The following SDK1 variants were observed in gnomAD, a reference collection of about 807,000 sequenced individuals.
SDK1 encodes protein sidekick-1.
SDK1 carries 157 observed loss-of-function variants against 245.5 expected under a neutral mutation model. That is an observed-to-expected ratio of 0.64 (90% CI 0.56 to 0.73). The LOEUF (loss-of-function observed/expected upper bound fraction) is 0.73. Ranked by LOEUF, SDK1 falls within the 30% of genes least tolerant of loss-of-function variation. The pLI, the probability that SDK1 is intolerant of heterozygous loss-of-function variation, is 0.00. For synonymous variants in SDK1, 1,647 were observed against 1,278.5 expected (o/e 1.29, Z -6.15); for missense variants, 3,583 against 3,002.3 (o/e 1.19, Z -4.52).
chr7:3,303,848 A>T (rs75991425), intron 1 of SDK1, among the ~76,000 whole-genome samples: 3,361 of 152,288 alleles, frequency 0.022, 138 homozygotes, highest in African/African-American at 0.076. Context: ...TGGTGCTGTT[A>T]TAAGAGATTT....
chr7:4,074,041 G>C lies in SDK1; in HGVS notation c.3011-2957G>C, dbSNP rs959964278. 2.0e-5 allele frequency among the ~76,000 whole-genome samples: 3 copies of C among 152,112 alleles called. No homozygotes were observed. The East Asian group carries it at 5.8e-4, about 29-fold the overall frequency. On this transcript the variant is annotated intron_variant, in intron 20 of 44. Coordinates refer to ENST00000404826, the MANE Select transcript of SDK1 (RefSeq NM_152744.4). ...GCAGGGGGCCGTAGGTGTTTTTTTA[G>C]GGTTGTCCTGTTGCATTTTGTTGCA...
At chr7:3,724,812 T>A (rs984913643) in intron 4 of SDK1, among the ~76,000 whole-genome samples, 1 of 152,198 alleles carries the variant, frequency 6.6e-6, no homozygotes, top group Non-Finnish European at 1.5e-5. Flanking sequence ...AACCCTGGAC[T>A]GGCCTGGCCC....
intron 4 of SDK1, among the ~76,000 whole-genome samples, chr7:3,652,957 T>C (rs1384182464): frequency 2.6e-5 from 4 of 152,164 alleles, no homozygotes; most frequent in Admixed American, 2.6e-4. Flanking sequence ...ACTGGAAGAA[T>C]AATTGCAGTG....
chr7:4,180,069 G>A (rs1025687562), intron 35 of SDK1, among the ~76,000 whole-genome samples: 3 of 152,090 alleles, frequency 2.0e-5, no homozygotes, highest in South Asian at 2.1e-4. Flanking sequence ...TTCAGCAAGC[G>A]GTAGGGAAGC....
Position 4,267,657 on chromosome 7 carries a change from G to A in SDK1, c.*2273G>A, listed in dbSNP as rs1413922128. On this transcript the variant is annotated 3_prime_UTR_variant, in exon 45 of 45. Transcript: ENST00000404826. ...TGTGGCTTTACATGCCAGGGAGAGT[G>A]TTGAGACGTCTTAGGTTGAGGATGA... 2 of 985,388 alleles carry A rather than the reference G, an allele frequency of 2.0e-6. No homozygotes were observed. Among genetic ancestry groups the A allele is most frequent in the African/African-American group, 3.5e-5 (2 of 57,260 alleles). The allele number at this position is 985,388 out of a possible 1,614,324, so 61.0% of individuals were successfully genotyped here. A position where few individuals can be genotyped will look rare whatever the true frequency, so the allele number is the denominator to read the frequency against.
At chr7:4,050,296 C>T (rs988983430) in intron 18 of SDK1, among the ~76,000 whole-genome samples, 7 of 152,208 alleles carry the variant, frequency 4.6e-5, no homozygotes, top group African/African-American at 1.7e-4. Context: ...ACTGATTTGT[C>T]TGCCAGAAAG....
At chr7:4,108,193 C>T (rs995362410) in intron 22 of SDK1, among the ~76,000 whole-genome samples, 3 of 152,170 alleles carry the variant, frequency 2.0e-5, no homozygotes, top group Non-Finnish European at 4.4e-5. Flanking sequence ...TCCCTCTTCA[C>T]AGACGCGATG....
chr7:4,022,974 C>A (rs943157609), intron 17 of SDK1, among the ~76,000 whole-genome samples: 1 of 151,942 alleles, frequency 6.6e-6, no homozygotes, highest in Non-Finnish European at 1.5e-5. Context: ...CGGGGTTTCG[C>A]CGTGTTACCC....
intron 1 of SDK1, among the ~76,000 whole-genome samples, chr7:3,316,954 C>A (rs763554346): frequency 3.3e-5 from 5 of 151,772 alleles, no homozygotes; most frequent in Non-Finnish European, 7.4e-5. Context: ...CTGAGGTGGG[C>A]AGATCTCTTG....
intron 28 of SDK1, among the ~76,000 whole-genome samples, chr7:4,139,608 TG>T (rs1779389910): frequency 1.4e-5 from 1 of 72,058 alleles, no homozygotes; most frequent in African/African-American, 5.0e-5. Flanking sequence ...TATATATGTG[TG>T]TGTATATGTG....
chr7:3,523,195 G>GT (rs1783001792), intron 1 of SDK1, among the ~76,000 whole-genome samples: 2 of 152,176 alleles, frequency 1.3e-5, no homozygotes, highest in African/African-American at 2.4e-5. Context: ...CAATTGACCT[G>GT]AATGATGTAA....
intron 5 of SDK1, among the ~76,000 whole-genome samples, chr7:3,900,657 C>T (rs546168752): frequency 1.3e-5 from 2 of 152,246 alleles, no homozygotes; most frequent in South Asian, 2.1e-4. Flanking sequence ...GGTGAATTAA[C>T]TGAATACCTG....
intron 1 of SDK1, among the ~76,000 whole-genome samples, chr7:3,308,675 C>G (rs7780037): frequency 0.17 from 25,657 of 151,838 alleles, 2,143 homozygotes; most frequent in South Asian, 0.22. Context: ...ATGGATAAGG[C>G]TAGGCTTTAG....
intron 1 of SDK1, among the ~76,000 whole-genome samples, chr7:3,483,283 T>C (rs1258840663): frequency 6.6e-6 from 1 of 152,210 alleles, no homozygotes; most frequent in Non-Finnish European, 1.5e-5. Context: ...TTTAGTCAAG[T>C]TTTATAGTTG....
chr7:3,710,830 C>T (rs913514973), intron 4 of SDK1, among the ~76,000 whole-genome samples: 8 of 152,212 alleles, frequency 5.3e-5, no homozygotes, highest in African/African-American at 9.6e-5. Flanking sequence ...TTGTTCCTAT[C>T]TTCAGATTAC....
At chr7:3,775,974 A>G (rs1299477127) in intron 4 of SDK1, among the ~76,000 whole-genome samples, 3 of 152,212 alleles carry the variant, frequency 2.0e-5, no homozygotes, top group Non-Finnish European at 4.4e-5. Flanking sequence ...GAAACGAGTG[A>G]ATCTTCCACC....
intron 22 of SDK1, among the ~76,000 whole-genome samples, chr7:4,097,554 G>GT (rs1782234288): frequency 6.6e-6 from 1 of 152,190 alleles, no homozygotes; most frequent in African/African-American, 2.4e-5. Context: ...GCCCAATAAA[G>GT]TTTCCAACCT....
intron 1 of SDK1, among the ~76,000 whole-genome samples, chr7:3,443,724 A>G (rs1780262579): frequency 6.6e-6 from 1 of 152,190 alleles, no homozygotes; most frequent in Non-Finnish European, 1.5e-5. Context: ...GCTCTGAGTG[A>G]CCTTGAAGAT....
chr7:3,882,726 T>C (rs928677738), intron 5 of SDK1, among the ~76,000 whole-genome samples: 1 of 152,118 alleles, frequency 6.6e-6, no homozygotes, highest in African/African-American at 2.4e-5. Flanking sequence ...AAATGAGCCT[T>C]CTTTTTTTTT....
Sources: gnomAD v4.1 joint callset for allele counts (sites outside exome capture counted in the v4.1 genomes callset) on GRCh38, gnomAD v4.1.1 for gene constraint, MANE v1.5 for transcripts, NCBI Gene and HGNC (gene_info 2026-07-23, HGNC 2026-07-21) for gene names.